The following NRXN3 variants were observed in gnomAD, a reference collection of about 807,000 sequenced individuals.
NRXN3 encodes neurexin III.
NRXN3 carries 32 observed loss-of-function variants against 137.6 expected under a neutral mutation model. The ratio of observed to expected loss-of-function variants is 0.23; its 90% confidence interval spans 0.18 to 0.31. The LOEUF (loss-of-function observed/expected upper bound fraction) is 0.31, where lower values mean the gene tolerates loss of function less well. NRXN3 is among the 10% of genes least tolerant of loss of function. The pLI is 1.00. For missense variants in NRXN3, 1,574 were observed against 2,062.5 expected (o/e 0.76, Z 4.59); for synonymous variants, 798 against 784.5 (o/e 1.02, Z -0.29).
intron 17 of NRXN3, among the ~76,000 whole-genome samples, chr14:79,671,452 T>C (rs1357014494): frequency 6.6e-6 from 1 of 152,120 alleles, no homozygotes; most frequent in East Asian, 1.9e-4. Flanking sequence ...CTTGGGCATC[T>C]ATACATATTT....
chr14:78,202,931 A>T (rs2061815120), intron 1 of NRXN3, among the ~76,000 whole-genome samples: 1 of 152,226 alleles, frequency 6.6e-6, no homozygotes, highest in Non-Finnish European at 1.5e-5. Flanking sequence ...CACTAGAATA[A>T]AGCAACACAG....
intron 15 of NRXN3, among the ~76,000 whole-genome samples, chr14:79,029,477 C>CT (rs1489203073): frequency 3.9e-5 from 6 of 152,106 alleles, no homozygotes; most frequent in Non-Finnish European, 8.8e-5. Context: ...CATGGAAATT[C>CT]TTTATTCTGT....
chr14:79,262,359 G>GAAGGATAAGAGGAAGAAA (rs2077740580), intron 15 of NRXN3, among the ~76,000 whole-genome samples: 1 of 151,428 alleles, frequency 6.6e-6, no homozygotes, highest in African/African-American at 2.4e-5. Context: ...GGAAGAAAAA[G>GAAGGATAAGAGGAAGAAA]AAGGATAAGA....
In NRXN3 at chr14:79,124,962, T is replaced by G. The variant is rs539764857; in HGVS notation, c.3262+136821T>G. ...CCTAGAAAGCAAGCTATAATTACATTATTCAAGAAAACACTGCAGTTCAGG... is the reference window on the plus strand; with the variant it reads ...CCTAGAAAGCAAGCTATAATTACATGATTCAAGAAAACACTGCAGTTCAGG... On this transcript the variant is annotated intron_variant, in intron 15 of 20. Transcript: ENST00000335750. 6.6e-5 allele frequency among the ~76,000 whole-genome samples: 10 copies of G among 152,368 alleles called. No individual in the cohort carries two copies. The South Asian group carries it at 2.1e-3, about 32-fold the overall frequency.
At chr14:78,535,235 G>T (rs953397580) in intron 4 of NRXN3, among the ~76,000 whole-genome samples, 9 of 151,984 alleles carry the variant, frequency 5.9e-5, no homozygotes, top group Non-Finnish European at 1.5e-5. Context: ...CTAAGACTCT[G>T]CTTCTCTGTT....
chr14:78,248,571 C>T (rs2068091961), intron 2 of NRXN3, among the ~76,000 whole-genome samples: 1 of 151,890 alleles, frequency 6.6e-6, no homozygotes, highest in Non-Finnish European at 1.5e-5. Context: ...AGTGAAGGGA[C>T]CAGTGGTTGC....
chr14:79,063,447 C>T (rs2099676739), intron 15 of NRXN3, among the ~76,000 whole-genome samples: 1 of 152,030 alleles, frequency 6.6e-6, no homozygotes, highest in African/African-American at 2.4e-5. Flanking sequence ...CCATGCCCGG[C>T]TAATTTTTGT....
At chr14:78,713,570 G>A (rs1243698141) in intron 7 of NRXN3, among the ~76,000 whole-genome samples, 4 of 152,122 alleles carry the variant, frequency 2.6e-5, no homozygotes, top group African/African-American at 9.7e-5. Context: ...GTTACTTATT[G>A]TATTAGTCTG....
intron 1 of NRXN3, among the ~76,000 whole-genome samples, chr14:78,172,553 ATTG>A: frequency 6.6e-6 from 1 of 151,622 alleles, no homozygotes; most frequent in Non-Finnish European, 1.5e-5. Flanking sequence ...AGATATTCCT[ATTG>A]TTTGATTTTT....
chr14:79,150,788 T>C (rs2059731071), intron 15 of NRXN3, among the ~76,000 whole-genome samples: 1 of 151,684 alleles, frequency 6.6e-6, no homozygotes, highest in South Asian at 2.1e-4. Context: ...CCAAATCAGT[T>C]ATACAATTTA....
Position 79,627,816 on chromosome 14 carries a change from T to C in NRXN3, c.3445-35962T>C, listed in dbSNP as rs186412959. On this transcript the variant is annotated intron_variant, in intron 16 of 20. Transcript: ENST00000335750. ...GGCTTCTGGCGTGGGTGCTGAGATA[T>C]AGCAGATAAGAGATGGTAGTCAAAA... Among the ~76,000 whole-genome samples, 337 of 152,232 alleles carry C rather than the reference T, an allele frequency of 2.2e-3. 2 individuals are homozygous for C. The highest frequency in any genetic ancestry group is 7.4e-3 in the African/African-American group (309 of 41,538).
intron 16 of NRXN3, chr14:79,611,284 CTG>C (rs1266949919): frequency 6.6e-6 from 1 of 152,158 alleles, no homozygotes; most frequent in Non-Finnish European, 1.5e-5. Context: ...TGACCTATAA[CTG>C]TGTGAAAACT....
chr14:78,669,814 G>T (rs900379517), intron 6 of NRXN3, among the ~76,000 whole-genome samples: 1 of 151,924 alleles, frequency 6.6e-6, no homozygotes, highest in Non-Finnish European at 1.5e-5. Flanking sequence ...TCACCATCTT[G>T]GTTTTGGTGG....
intron 3 of NRXN3, among the ~76,000 whole-genome samples, chr14:78,285,750 A>C (rs1034009006): frequency 6.6e-5 from 10 of 152,184 alleles, no homozygotes; most frequent in African/African-American, 2.4e-4. Context: ...ATTGGGGTTC[A>C]CCCTGAGACA....
intron 15 of NRXN3, among the ~76,000 whole-genome samples, chr14:79,221,644 G>A (rs529949994): frequency 7.9e-5 from 12 of 152,072 alleles, no homozygotes; most frequent in Admixed American, 1.3e-4. Context: ...TGTAGATTCC[G>A]GATATTAGCC....
chr14:79,711,915 C>T (rs2098805752), intron 19 of NRXN3, among the ~76,000 whole-genome samples: 2 of 152,234 alleles, frequency 1.3e-5, no homozygotes, highest in African/African-American at 4.8e-5. Flanking sequence ...CTGGGAAGGG[C>T]CTTTTAGCTA....
chr14:78,633,665 A>G (rs887201918), intron 4 of NRXN3, among the ~76,000 whole-genome samples: 4 of 152,244 alleles, frequency 2.6e-5, no homozygotes, highest in African/African-American at 9.6e-5. Context: ...AAAAGAAGAC[A>G]TAGCCCAGGT....
intron 4 of NRXN3, among the ~76,000 whole-genome samples, chr14:78,359,057 G>A (rs1394162407): frequency 6.6e-6 from 1 of 152,148 alleles, no homozygotes; most frequent in Non-Finnish European, 1.5e-5. Context: ...GGTAGGTGGA[G>A]AAATGTAATT....
intron 15 of NRXN3, among the ~76,000 whole-genome samples, chr14:79,322,786 G>A (rs924047783): frequency 1.2e-4 from 18 of 152,200 alleles, no homozygotes; most frequent in Admixed American, 9.8e-4. Flanking sequence ...GCTAATGAGA[G>A]AAATGTACAG....
Sources: allele counts gnomAD v4.1 joint callset (sites outside exome capture counted in the v4.1 genomes callset), GRCh38; gene constraint gnomAD v4.1.1; transcripts MANE v1.5; gene names NCBI Gene and HGNC (gene_info 2026-07-23, HGNC 2026-07-21).